Variants in NYAP2 observed in about 807,000 individuals in gnomAD.
NYAP2 encodes neuronal tyrosine-phosphorylated phosphoinositide-3-kinase adaptor 2.
A neutral mutation model predicts 50.4 loss-of-function variants in NYAP2; 23 were observed. The ratio of observed to expected loss-of-function variants is 0.46; its 90% CI spans 0.33 to 0.65. The LOEUF (loss-of-function observed/expected upper bound fraction) is 0.65, where lower values mean the gene tolerates loss of function less well. Ranked by LOEUF, NYAP2 falls within the 30% of genes least tolerant of loss-of-function variation. NYAP2 has a pLI of 0.02. For missense variants in NYAP2, 885 were observed against 861.0 expected (o/e 1.03, Z -0.35); for synonymous variants, 394 against 365.2 (o/e 1.08, Z -0.90).
At chr2:225,673,157 C>A in the NYAP2 span, among the ~76,000 whole-genome samples, 7 of 151,954 alleles carry the variant, frequency 4.6e-5, no homozygotes, top group Non-Finnish European at 7.4e-5. Context: ...GAAACTCCCC[C>A]TTATGGAACC....
the NYAP2 span, among the ~76,000 whole-genome samples, chr2:225,661,808 C>T: frequency 1.3e-5 from 2 of 151,336 alleles, no homozygotes. Flanking sequence ...ACTGCAACTT[C>T]CACCTTTTGG....
chr2:225,665,221 C>T, the NYAP2 span, among the ~76,000 whole-genome samples: 1 of 151,762 alleles, frequency 6.6e-6, no homozygotes, highest in Non-Finnish European at 1.5e-5. Flanking sequence ...ATAGTTCTGC[C>T]CTGGCTTTGC....
chr2:225,426,356 C>T (rs1695287942), intron 3 of NYAP2, among the ~76,000 whole-genome samples: 1 of 152,070 alleles, frequency 6.6e-6, no homozygotes, highest in African/African-American at 2.4e-5. Context: ...AAATAAATGA[C>T]TTTAGACTCA....
chr2:225,515,157 A>G (rs1291625483), intron 4 of NYAP2, among the ~76,000 whole-genome samples: 2 of 152,224 alleles, frequency 1.3e-5, no homozygotes, highest in Admixed American at 1.3e-4. Context: ...TCTACAAAAA[A>G]ACTCCTGTGG....
At chr2:225,530,278 A>G (rs10933096) in intron 4 of NYAP2, among the ~76,000 whole-genome samples, 51,918 of 151,860 alleles carry the variant, frequency 0.34, 9,078 homozygotes, top group South Asian at 0.48. Context: ...CCTTCAGGCC[A>G]CCGTCCTGCA....
chr2:225,668,175 A>G, the NYAP2 span, among the ~76,000 whole-genome samples: 5 of 152,214 alleles, frequency 3.3e-5, no homozygotes, highest in East Asian at 9.6e-4. Flanking sequence ...GTCTTTCAAG[A>G]TAAGTGACAT....
At chr2:225,444,285 A>C (rs538708598) in intron 3 of NYAP2, among the ~76,000 whole-genome samples, 1 of 152,334 alleles carries the variant, frequency 6.6e-6, no homozygotes, top group East Asian at 1.9e-4. Context: ...GCCAGAATCA[A>C]TACAAGTAAA....
chr2:225,565,811 C>G (rs1253482231), intron 4 of NYAP2, among the ~76,000 whole-genome samples: 1 of 152,110 alleles, frequency 6.6e-6, no homozygotes, highest in African/African-American at 2.4e-5. Flanking sequence ...TTAGAGTTGA[C>G]TTTCCCAAGG....
At chr2:225,682,440 A>T in the NYAP2 span, among the ~76,000 whole-genome samples, 1 of 152,166 alleles carries the variant, frequency 6.6e-6, no homozygotes, top group African/African-American at 2.4e-5. Flanking sequence ...CCAATTGAAC[A>T]CTTCCAGTAG....
intron 3 of NYAP2, among the ~76,000 whole-genome samples, chr2:225,458,789 A>G (rs1040507611): frequency 6.6e-6 from 1 of 152,242 alleles, no homozygotes. Flanking sequence ...ATAAACATCT[A>G]GTTCCTTCTT....
intron 4 of NYAP2, among the ~76,000 whole-genome samples, chr2:225,528,969 A>G (rs1691203777): frequency 6.6e-6 from 1 of 152,216 alleles, no homozygotes; most frequent in African/African-American, 2.4e-5. Context: ...GCAGAATACT[A>G]AATGTAACCC....
At chr2:225,534,999 G>A (rs1387272015) in intron 4 of NYAP2, among the ~76,000 whole-genome samples, 1 of 152,154 alleles carries the variant, frequency 6.6e-6, no homozygotes, top group African/African-American at 2.4e-5. Context: ...TTACCCTCTA[G>A]GGTGCTGGGG....
chr2:225,530,497 A>C (rs1200780224), intron 4 of NYAP2, among the ~76,000 whole-genome samples: 1 of 152,068 alleles, frequency 6.6e-6, no homozygotes, highest in African/African-American at 2.4e-5. Flanking sequence ...ATACTTCCTA[A>C]ATCCCATGCT....
chr2:225,651,469 G>T (rs756029566), exon 7 of NYAP2: 10 of 1,613,932 alleles, frequency 6.2e-6, no homozygotes, highest in Non-Finnish European at 7.6e-6. Context: ...GGTCTGCGTC[G>T]ACGTCAGGTG....
intron 6 of NYAP2, among the ~76,000 whole-genome samples, chr2:225,628,552 A>T (rs1693253595): frequency 6.6e-6 from 1 of 151,800 alleles, no homozygotes; most frequent in Non-Finnish European, 1.5e-5. Flanking sequence ...CAAACTCCTG[A>T]CCTCAGGTGA....
chr2:225,496,915 A>T (rs905907932), intron 3 of NYAP2, among the ~76,000 whole-genome samples: 1 of 149,098 alleles, frequency 6.7e-6, no homozygotes, highest in South Asian at 2.1e-4. Context: ...GTAATGGAGA[A>T]TTTTTTTTTT....
At chr2:225,508,696 A>T (rs576483987) in intron 3 of NYAP2, among the ~76,000 whole-genome samples, 1 of 152,336 alleles carries the variant, frequency 6.6e-6, no homozygotes, top group Non-Finnish European at 1.5e-5. Flanking sequence ...GACCAGTGCA[A>T]CAGGGAAAGC....
chr2:225,555,997 G>A (rs947926772), intron 4 of NYAP2, among the ~76,000 whole-genome samples: 1 of 152,112 alleles, frequency 6.6e-6, no homozygotes, highest in Non-Finnish European at 1.5e-5. Flanking sequence ...ACCTTCTAAT[G>A]TATCATATAA....
the NYAP2 span, among the ~76,000 whole-genome samples, chr2:225,667,696 T>C: frequency 6.6e-6 from 1 of 152,130 alleles, no homozygotes; most frequent in Admixed American, 6.6e-5. Context: ...ACAATTAGCA[T>C]TACAAAAGAG....
Sources: gnomAD v4.1 joint callset for allele counts (sites outside exome capture counted in the v4.1 genomes callset) on GRCh38, gnomAD v4.1.1 for gene constraint, MANE v1.5 for transcripts, NCBI Gene and HGNC (gene_info 2026-07-23, HGNC 2026-07-21) for gene names.